KCNC4: variants seen among roughly 807,000 people sequenced by gnomAD.
KCNC4 encodes the protein potassium voltage-gated channel subfamily C member 4.
In KCNC4, 23 loss-of-function variants were observed where a neutral mutation model predicts 42.8. The ratio of observed to expected loss-of-function variants is 0.54; its 90% CI spans 0.39 to 0.76. The LOEUF is 0.76. Among genes scored for constraint, KCNC4 ranks in the 30% least tolerant of loss-of-function variants. The pLI, the probability that KCNC4 is intolerant of heterozygous loss-of-function variation, is 0.00. For synonymous variants in KCNC4, 422 were observed against 393.5 expected, an observed-to-expected ratio of 1.07 and a Z score of -0.86; for missense variants, 751 against 898.2, an observed-to-expected ratio of 0.84 and a Z score of 2.10.
At chr1:110,232,630 A>G in intron 3 of KCNC4, 1 of 1,441,698 alleles carries the variant, frequency 6.9e-7, no homozygotes, top group Non-Finnish European at 9.1e-7. Context: ...CACCTGAGTC[A>G]CCAGAGTTGG....
chr1:110,282,986 C>G (rs942556115), intron 2 of KCNC4: 4 of 152,232 alleles, frequency 2.6e-5, no homozygotes, highest in Non-Finnish European at 5.9e-5. Context: ...GTATATTTAG[C>G]TCATGGTTCT....
chr1:110,243,039 G>A (rs1659063740), exon 4 of KCNC4: 1 of 152,266 alleles, frequency 6.6e-6, no homozygotes, highest in East Asian at 1.9e-4. Context: ...TGGAGAGAAG[G>A]AAACATCTCC....
rs1447157837 is a variant in KCNC4 at position 110,233,363 on chromosome 1, G to A, written c.*391G>A. On this transcript the variant is annotated 3_prime_UTR_variant, in exon 4 of 4. Coordinates refer to ENST00000438661, the MANE Select transcript of KCNC4 (RefSeq NM_001039574.3). ...GTGTGGGTGGAATGTCCCAAGAAAA[G>A]TGCATCTGGGAATTGCCAGTCCAGC... 11 of 279,962 alleles carry A rather than the reference G, an allele frequency of 3.9e-5. No individual in the cohort carries two copies. In the South Asian group the frequency reaches 5.0e-4, roughly 13 times the overall value. The allele number at this position is 279,962 out of a possible 1,614,324, so 17.3% of individuals were successfully genotyped here.
chr1:110,211,769 G>A lies in KCNC4; in HGVS notation c.270G>A (p.Gly90=), dbSNP rs771559402. The A allele has an allele frequency of 1.6e-5, 26 of 1,610,118 alleles. No homozygotes were observed. The Admixed American group carries it at 4.2e-4, about 26-fold the overall frequency. ...GTAGCAGCGGCAGCAGCGGCGGCGG[G>A]GGCTGCGAGTTCTTCTTCGACAGGC... ...GVGSSGSSGG[G]GCEFFFDRHP... The change falls in exon 1 of 4, where the codon GGG becomes GGA. Residue 90 remains glycine (G), a synonymous_variant. Coordinates refer to ENST00000438661, the MANE Select transcript of KCNC4 (RefSeq NM_001039574.3). This position sits in a 1 kb window ranked among gnomAD's most constrained non-coding sequence, Gnocchi z 6.5.
intron 1 of KCNC4, among the ~76,000 whole-genome samples, chr1:110,257,971 T>C (rs74118313): frequency 0.013 from 2,043 of 152,270 alleles, 51 homozygotes; most frequent in African/African-American, 0.046. Context: ...TCTGCCCCGT[T>C]AGGAGTCTTT....
chr1:110,251,185 G>GTCCA (rs1659244182), downstream of KCNC4, among the ~76,000 whole-genome samples: 1 of 152,164 alleles, frequency 6.6e-6, no homozygotes, highest in African/African-American at 2.4e-5. Context: ...GGCTTAAAGA[G>GTCCA]TCCACTTAGA....
In KCNC4 at chr1:110,226,245, A is replaced by G. The variant is rs184489753; in HGVS notation, c.1819+67A>G. On this transcript the variant is annotated intron_variant, in intron 3 of 3. Transcript: ENST00000438661. ...GCTGAGTCTCCCGAGTCCCCCACCAAGAGCCTGAGGTCCCCCCCTCCCCTG... is the reference window on the plus strand; with the variant it reads ...GCTGAGTCTCCCGAGTCCCCCACCAGGAGCCTGAGGTCCCCCCCTCCCCTG... The G allele has an allele frequency of 1.7e-3, 2,474 of 1,416,666 alleles. 41 individuals carry two copies. In the African/African-American group the frequency reaches 0.031, roughly 18 times the overall value. The allele number at this position is 1,416,666 out of a possible 1,614,324, so 87.8% of individuals were successfully genotyped here.
intron 1 of KCNC4, among the ~76,000 whole-genome samples, chr1:110,273,217 G>A (rs558519017): frequency 2.6e-4 from 39 of 152,306 alleles, no homozygotes; most frequent in African/African-American, 9.4e-4. Context: ...AGTGCTGTGT[G>A]TTTCCTCAAC....
chr1:110,221,570 A>G (rs1232353983), intron 1 of KCNC4: 1 of 152,198 alleles, frequency 6.6e-6, no homozygotes, highest in East Asian at 1.9e-4. Context: ...TGCAGTACTA[A>G]GAACAAGGTA....
At chr1:110,272,409 C>T (rs1407032700) in intron 1 of KCNC4, 1 of 152,040 alleles carries the variant, frequency 6.6e-6, no homozygotes, top group Non-Finnish European at 1.5e-5. Flanking sequence ...GAAAAATGGC[C>T]CAAATGTATG....
exon 4 of KCNC4, chr1:110,247,014 A>G (rs764837198): frequency 2.0e-5 from 3 of 151,924 alleles, no homozygotes; most frequent in Admixed American, 6.6e-5. Flanking sequence ...GTGAGAACAT[A>G]CTTGTCTTTC....
chr1:110,258,320 C>G (rs1294391440), intron 1 of KCNC4, among the ~76,000 whole-genome samples: 1 of 152,236 alleles, frequency 6.6e-6, no homozygotes, highest in Middle Eastern at 3.4e-3. Flanking sequence ...TCACTGCAAC[C>G]TCCGCCTCCT....
chr1:110,263,824 G>A (rs1426187970), intron 1 of KCNC4, among the ~76,000 whole-genome samples: 2 of 71,812 alleles, frequency 2.8e-5, no homozygotes, highest in Non-Finnish European at 4.9e-5. Context: ...CTTTCAGTGA[G>A]GGGGGGGAGC....
intron 1 of KCNC4, chr1:110,272,433 A>T (rs1199341171): frequency 6.6e-6 from 1 of 152,246 alleles, no homozygotes; most frequent in African/African-American, 2.4e-5. Context: ...AGATGAGACC[A>T]TAGAGACACC....
At chr1:110,248,411 T>A (rs1157115815) in exon 4 of KCNC4, 4 of 151,706 alleles carry the variant, frequency 2.6e-5, no homozygotes, top group Admixed American at 2.6e-4. Context: ...GCTCAAAGTG[T>A]GAAGTTACAT....
intron 1 of KCNC4, 194 bp from the exon 2 acceptor site, chr1:110,222,770 A>G (rs12736166): frequency 0.14 from 77,137 of 571,040 alleles, 5,629 homozygotes; most frequent in African/African-American, 0.2. Flanking sequence ...ATTGGGAAAC[A>G]TTGCCCGAGA....
intron 1 of KCNC4, among the ~76,000 whole-genome samples, chr1:110,215,837 A>G (rs191139949): frequency 7.9e-5 from 12 of 152,348 alleles, no homozygotes; most frequent in Admixed American, 7.2e-4. Flanking sequence ...TTGTGGTAGA[A>G]CTAGGATCCA....
In KCNC4 at chr1:110,223,685, C is replaced by CG. The variant is rs1658235239; in HGVS notation, c.1402dup (p.Val468GlyfsTer44). 1 of 1,613,912 alleles carries CG rather than the reference C, an allele frequency of 6.2e-7. No homozygotes were observed. Among genetic ancestry groups the CG allele is most frequent in the Admixed American group, 1.7e-5 (1 of 59,998 alleles). On this transcript the variant is annotated frameshift_variant, in exon 2 of 4. Transcript: ENST00000438661. LOFTEE classifies it high-confidence loss of function. The surrounding 1 kb of genome is among the most constrained non-coding windows in gnomAD (Gnocchi z 7.5). ...GCTGGCGTGCTCACCATCGCCATGC[C>CG]GGTGCCTGTCATCGTCAACAACTTC...
chr1:110,280,695 T>G (rs1423411526), intron 1 of KCNC4, among the ~76,000 whole-genome samples: 1 of 152,088 alleles, frequency 6.6e-6, no homozygotes, highest in African/African-American at 2.4e-5. Context: ...AACAACAAAT[T>G]TTTTTTCAGT....
Sources: gnomAD v4.1 joint callset for allele counts (sites outside exome capture counted in the v4.1 genomes callset) on GRCh38, gnomAD v4.1.1 for gene constraint, Gnocchi (gnomAD v3.1) non-coding constraint, MANE v1.5 for transcripts, NCBI Gene and HGNC (gene_info 2026-07-23, HGNC 2026-07-21) for gene names.